The following DAB1 variants were observed in gnomAD, a reference collection of about 807,000 sequenced individuals.
DAB1 encodes DAB adaptor protein 1, also known as disabled homolog 1.
In DAB1, 15 loss-of-function variants were observed where a neutral mutation model predicts 64.6. The ratio of observed to expected loss-of-function variants is 0.23; its 90% CI spans 0.16 to 0.36. The LOEUF (loss-of-function observed/expected upper bound fraction) is 0.36, where lower values mean the gene tolerates loss of function less well. DAB1 is among the 10% of genes least tolerant of loss of function. The pLI is 1.00. For synonymous variants in DAB1, 235 were observed against 251.9 expected (o/e 0.93, Z 0.64); for missense variants, 596 against 706.7 (o/e 0.84, Z 1.78).
At position 57,072,349 on chromosome 1, in the gene DAB1, C is replaced by T; in HGVS notation, c.372G>A (p.Arg124=). ...SYIAKDITDH[R]AFGYVCGKEG... is the part of the protein sequence containing the mutation. ...CCTTCCCACAAACATATCCAAAGGCCCGGTGATCTGTAATGTCCTTTGCAA... is the reference window on the plus strand; with the variant it reads ...CCTTCCCACAAACATATCCAAAGGCTCGGTGATCTGTAATGTCCTTTGCAA... Residue 124 remains arginine (R), a synonymous_variant, in exon 5 of 15, where the codon CGG becomes CGA. Coordinates refer to ENST00000371236, the MANE Select transcript of DAB1 (RefSeq NM_001365792.1). 6.2e-7 allele frequency: 1 copy of T among 1,613,866 alleles called. No individual in the cohort carries two copies. The highest frequency in any genetic ancestry group is 1.3e-5 in the African/African-American group (1 of 75,008).
In DAB1 at chr1:58,110,558, T is replaced by C. The variant is rs552415541; in HGVS notation, n.387+39953A>G. On this transcript the variant is annotated intron_variant and non_coding_transcript_variant, in intron 5 of 20. Transcript: ENST00000485760. ...TTTACCTCCATCTCACAAGAAGAAA[T>C]TGAGGCCAGAGAAGTTAAAACACTC... Among the ~76,000 whole-genome samples, 6 of 152,292 alleles carry C rather than the reference T, an allele frequency of 3.9e-5. No individual in the cohort carries two copies. The South Asian group carries it at 1.0e-3, about 26-fold the overall frequency.
At chr1:57,573,258 T>TA (rs1033101325) in intron 7 of DAB1, among the ~76,000 whole-genome samples, 4 of 151,892 alleles carry the variant, frequency 2.6e-5, no homozygotes, top group East Asian at 1.9e-4. Flanking sequence ...GGCTGGTTTT[T>TA]AAAAAAAACT....
chr1:57,936,501 C>G (rs563266673), intron 5 of DAB1, among the ~76,000 whole-genome samples: 1 of 152,302 alleles, frequency 6.6e-6, no homozygotes, highest in African/African-American at 2.4e-5. Context: ...AAGCAATTCT[C>G]CTGCCTCAGC....
At chr1:58,438,682 A>C (rs1644972263) in intron 3 of DAB1, among the ~76,000 whole-genome samples, 2 of 152,192 alleles carry the variant, frequency 1.3e-5, no homozygotes, top group African/African-American at 4.8e-5. Flanking sequence ...GTGTCTGGAC[A>C]TTCACATGCT....
rs562173792 is a variant in DAB1 at position 57,385,461 on chromosome 1, T to G, written c.-137+38469A>C. ...AAATCACTTTCTGGATCATCTGTAA[T>G]GCATTCAGTCAGCAAACATTTACTT... is the stretch of plus-strand genomic sequence containing the variant. On this transcript the variant is annotated intron_variant, in intron 1 of 14. Coordinates refer to ENST00000371236, the MANE Select transcript of DAB1 (RefSeq NM_001365792.1). Among the ~76,000 whole-genome samples, 4 of 152,308 alleles carry G rather than the reference T, an allele frequency of 2.6e-5. No homozygotes were observed. In the East Asian group the frequency reaches 7.7e-4, roughly 29 times the overall value.
At chr1:58,458,420 G>A (rs1490509635) in intron 3 of DAB1, among the ~76,000 whole-genome samples, 1 of 152,202 alleles carries the variant, frequency 6.6e-6, no homozygotes, top group Non-Finnish European at 1.5e-5. Context: ...TTGGAGCCAG[G>A]ATTTGAATCC....
intron 5 of DAB1, chr1:58,048,441 C>T: frequency 1.0e-6 from 1 of 966,026 alleles, no homozygotes; most frequent in Non-Finnish European, 1.7e-6. Flanking sequence ...TCATAGCTGC[C>T]ACTCCCGCCA....
chr1:57,314,839 G>A (rs186906754), intron 1 of DAB1, among the ~76,000 whole-genome samples: 4 of 151,956 alleles, frequency 2.6e-5, no homozygotes, highest in South Asian at 2.1e-4. Context: ...GTACACAGAC[G>A]GGAAGAAGGG....
chr1:58,543,599 G>A (rs1646655365), intron 1 of DAB1, among the ~76,000 whole-genome samples: 1 of 152,054 alleles, frequency 6.6e-6, no homozygotes, highest in South Asian at 2.1e-4. Flanking sequence ...TTTCTAAAAT[G>A]CAAACCCTGG....
chr1:57,526,617 T>C (rs1361161920), intron 7 of DAB1, among the ~76,000 whole-genome samples: 1 of 152,212 alleles, frequency 6.6e-6, no homozygotes, highest in Non-Finnish European at 1.5e-5. Context: ...GCAGCTGAAG[T>C]GATCCATTTA....
chr1:57,194,053 C>G (rs1439929870), intron 2 of DAB1, among the ~76,000 whole-genome samples: 4 of 152,192 alleles, frequency 2.6e-5, no homozygotes, highest in African/African-American at 4.8e-5. Flanking sequence ...AATGTTTGTC[C>G]TAGCTCAATA....
intron 4 of DAB1, among the ~76,000 whole-genome samples, chr1:58,233,079 A>G (rs1192265986): frequency 6.6e-6 from 1 of 152,242 alleles, no homozygotes; most frequent in Non-Finnish European, 1.5e-5. Flanking sequence ...AGTGCCAGAT[A>G]GGTGTGATTC....
intron 4 of DAB1, among the ~76,000 whole-genome samples, chr1:58,195,611 A>T (rs1657633785): frequency 6.6e-6 from 1 of 152,248 alleles, no homozygotes; most frequent in African/African-American, 2.4e-5. Context: ...AGCATAACTC[A>T]TTCATTAACT....
intron 5 of DAB1, among the ~76,000 whole-genome samples, chr1:57,913,427 T>C (rs2102011848): frequency 6.6e-6 from 1 of 152,332 alleles, no homozygotes; most frequent in Middle Eastern, 3.4e-3. Context: ...TCCTTACACC[T>C]TTTACAAAAA....
rs1231399350 is a variant in DAB1 at position 57,085,312 on chromosome 1, C to T, written c.307-12898G>A. Among the ~76,000 whole-genome samples the T allele has an allele frequency of 3.9e-5, 6 of 152,360 alleles. 1 individual carries two copies. The South Asian group carries it at 8.3e-4, about 21-fold the overall frequency. On this transcript the variant is annotated intron_variant, in intron 4 of 14. Coordinates refer to ENST00000371236, the MANE Select transcript of DAB1 (RefSeq NM_001365792.1). Reference sequence around the variant, plus strand: ...CCAGCTGTCTGCCTTCTTGTCCCTCCTTCCTGGCATAGATTTTCATCTCTG... The same window carrying T: ...CCAGCTGTCTGCCTTCTTGTCCCTCTTTCCTGGCATAGATTTTCATCTCTG...
At chr1:58,041,335 T>A (rs1022874528) in intron 5 of DAB1, among the ~76,000 whole-genome samples, 51 of 152,198 alleles carry the variant, frequency 3.4e-4, no homozygotes, top group Non-Finnish European at 6.6e-4. Context: ...CATCTTTTCA[T>A]CTCTATGTTT....
intron 4 of DAB1, among the ~76,000 whole-genome samples, chr1:58,300,550 AAGAAAGAAAG>A (rs1662100804): frequency 5.3e-5 from 1 of 18,998 alleles, no homozygotes; most frequent in Admixed American, 6.4e-4. Context: ...TCTGAAAAGA[AAGAAAGAAAG>A]AAAGAAAGAA....
chr1:57,016,719 A>G (rs1053393750), intron 11 of DAB1, among the ~76,000 whole-genome samples: 9 of 152,100 alleles, frequency 5.9e-5, no homozygotes, highest in Admixed American at 2.0e-4. Context: ...TCACTGTATT[A>G]TTCTTTTTAG....
chr1:58,073,218 T>C (rs1211773751), intron 5 of DAB1, among the ~76,000 whole-genome samples: 3 of 152,212 alleles, frequency 2.0e-5, no homozygotes, highest in Non-Finnish European at 4.4e-5. Flanking sequence ...CCATGCTTTG[T>C]CCATTGTTCT....
Sources: allele counts gnomAD v4.1 joint callset (sites outside exome capture counted in the v4.1 genomes callset), GRCh38; gene constraint gnomAD v4.1.1; transcripts MANE v1.5; gene names NCBI Gene and HGNC (gene_info 2026-07-23, HGNC 2026-07-21).